The following NAV1 variants were observed in gnomAD, a reference collection of about 807,000 sequenced individuals.
The protein encoded by NAV1 is neuron navigator 1, also known as pore membrane and/or filament interacting like protein 3.
A neutral mutation model predicts 175.2 loss-of-function variants in NAV1; 18 were observed. The observed-to-expected ratio is 0.10, with a 90% CI of 0.07 to 0.15. The LOEUF (loss-of-function observed/expected upper bound fraction) is 0.15. Ranked by LOEUF, NAV1 falls within the 10% of genes least tolerant of loss-of-function variation. The pLI is 1.00. For synonymous variants in NAV1, 897 were observed against 978.7 expected (o/e 0.92, Z 1.56); for missense variants, 1,731 against 2,436.6 (o/e 0.71, Z 6.10).
intron 1 of NAV1, among the ~76,000 whole-genome samples, chr1:201,545,869 A>G (rs1304595550): frequency 6.6e-6 from 1 of 152,190 alleles, no homozygotes; most frequent in Non-Finnish European, 1.5e-5. Context: ...TAGTTATTTC[A>G]TCTGGTTTTG....
intron 3 of NAV1, among the ~76,000 whole-genome samples, chr1:201,768,099 C>T (rs1675323933): frequency 1.3e-5 from 2 of 151,860 alleles, no homozygotes; most frequent in African/African-American, 2.4e-5. Context: ...CTGAGGGAGG[C>T]GGATCACCTG....
chr1:201,635,018 A>G (rs1369784740), intron 2 of NAV1, among the ~76,000 whole-genome samples: 1 of 151,910 alleles, frequency 6.6e-6, no homozygotes, highest in African/African-American at 2.4e-5. Context: ...TATCCAATTG[A>G]CAATTTTTGT....
At position 201,783,564 on chromosome 1, in the gene NAV1, C is replaced by T. The variant is rs372376054; in HGVS notation, c.2516C>T (p.Ser839Phe). 24 of 1,614,098 alleles carry T rather than the reference C, an allele frequency of 1.5e-5. No individual in the cohort carries two copies. Among genetic ancestry groups the T allele is most frequent in the Non-Finnish European group, 1.9e-5 (23 of 1,180,062 alleles). ...TCAGCATCTGGGGGCCCTCTCCCTT[C>T]CTGCTTCACCCCCAGTCCGGCACCC... Residue 839 changes from serine (S) to phenylalanine (F), a missense_variant, in exon 7 of 30, where the codon TCC (serine) becomes TTC (phenylalanine). Coordinates refer to ENST00000367296, the Ensembl canonical transcript of NAV1.
At chr1:201,804,568 C>T in intron 17 of NAV1, 71 bp downstream of exon 21, 1 of 870,358 alleles carries the variant, frequency 1.1e-6, no homozygotes, top group Non-Finnish European at 1.7e-6. Flanking sequence ...TCCAGAGCAA[C>T]TCCCTTCCCC....
chr1:201,792,688 A>G (rs1202956514), intron 13 of NAV1: 3 of 152,242 alleles, frequency 2.0e-5, no homozygotes, highest in African/African-American at 7.2e-5. Context: ...CAGTGGGTGA[A>G]AGGAAACTGC....
rs113966166 is a variant in NAV1 at position 201,549,989 on chromosome 1, C to T, written c.-144+10647C>T. On this transcript the variant is annotated intron_variant, in intron 1 of 33. Transcript: ENST00000685211. ...TCTCACCACTGCACTCCAGCCTAGG[C>T]GACAGAGCGAGACTCCATCTCAAAA... Among the ~76,000 whole-genome samples the T allele has an allele frequency of 8.9e-3, 1,009 of 113,558 alleles. 18 individuals are homozygous for T. The highest frequency in any genetic ancestry group is 0.032 in the African/African-American group (936 of 29,108). The allele number at this position is 113,558 out of a possible 152,430, so 74.5% of individuals were successfully genotyped here. A position where few individuals can be genotyped will look rare whatever the true frequency, so the allele number is the denominator to read the frequency against.
chr1:201,819,980 G>A, exon 30 of NAV1: 1 of 1,536,864 alleles, frequency 6.5e-7, no homozygotes, highest in Non-Finnish European at 9.0e-7. Flanking sequence ...GCTGGCATCA[G>A]CTATCTTAGC....
chr1:201,816,943 G>A (rs369311940), intron 28 of NAV1, 145 bp from the exon 33 acceptor site: 3 of 676,410 alleles, frequency 4.4e-6, no homozygotes, highest in African/African-American at 3.6e-5. Flanking sequence ...CTAAATGCTG[G>A]GATTACAGGC....
intron 1 of NAV1, among the ~76,000 whole-genome samples, chr1:201,557,097 G>T (rs570687982): frequency 7.5e-6 from 1 of 134,070 alleles, no homozygotes; most frequent in East Asian, 2.0e-4. Context: ...CCCTAGGGAA[G>T]TCCAGTTTGG....
At chr1:201,744,629 C>T (rs1193988263) in intron 3 of NAV1, among the ~76,000 whole-genome samples, 1 of 152,116 alleles carries the variant, frequency 6.6e-6, no homozygotes, top group Non-Finnish European at 1.5e-5. Context: ...TGTGCAGTAA[C>T]TGAAAGCCAG....
upstream of NAV1, among the ~76,000 whole-genome samples, chr1:201,620,989 C>T (rs1472076134): frequency 6.6e-6 from 1 of 152,128 alleles, no homozygotes; most frequent in African/African-American, 2.4e-5. Flanking sequence ...GGCATGAGCT[C>T]AGCTCACTGC....
At chr1:201,722,994 C>A (rs892418340) in intron 3 of NAV1, among the ~76,000 whole-genome samples, 6 of 152,302 alleles carry the variant, frequency 3.9e-5, no homozygotes, top group African/African-American at 1.4e-4. Context: ...GCCTGTAATA[C>A]CAGCTATTCG....
intron 2 of NAV1, among the ~76,000 whole-genome samples, chr1:201,589,872 A>T (rs897412584): frequency 1.3e-5 from 2 of 152,152 alleles, no homozygotes; most frequent in Admixed American, 6.5e-5. Context: ...CAACCATCCC[A>T]TGGGGAAGAC....
intron 3 of NAV1, among the ~76,000 whole-genome samples, chr1:201,734,323 G>A (rs985451704): frequency 1.3e-5 from 2 of 151,556 alleles, no homozygotes; most frequent in African/African-American, 4.9e-5. Context: ...TGGGAGGATC[G>A]CTTGAGTGAT....
At chr1:201,776,485 C>T (rs1040393387) in intron 3 of NAV1, among the ~76,000 whole-genome samples, 2 of 151,234 alleles carry the variant, frequency 1.3e-5, no homozygotes, top group African/African-American at 2.4e-5. Flanking sequence ...ACTAAATATA[C>T]AAAAAATTAG....
intron 15 of NAV1, chr1:201,798,319 G>A (rs1477663924): frequency 2.6e-5 from 4 of 152,126 alleles, no homozygotes; most frequent in Non-Finnish European, 4.4e-5. Context: ...CTTGCCCCCA[G>A]AGTAATCCAA....
rs946526310 is a variant in NAV1 at position 201,807,346 on chromosome 1, G to C, written c.3649-607G>C. Reference sequence around the variant, plus strand: ...AGAAGCTTGAGCCCACTGCCTTCTCGTGTTCTCCACAGAATCATATTGTCA... The same window carrying C: ...AGAAGCTTGAGCCCACTGCCTTCTCCTGTTCTCCACAGAATCATATTGTCA... On this transcript the variant is annotated intron_variant, in intron 17 of 29. Coordinates refer to ENST00000367296, the Ensembl canonical transcript of NAV1. This position sits in a 1 kb window ranked among gnomAD's most constrained non-coding sequence, Gnocchi z 5.4. Among the ~76,000 whole-genome samples the C allele has an allele frequency of 2.0e-5, 3 of 152,144 alleles. No homozygotes were observed. The highest frequency in any genetic ancestry group is 7.2e-5 in the African/African-American group (3 of 41,422).
intron 2 of NAV1, among the ~76,000 whole-genome samples, chr1:201,632,351 G>A (rs1397581040): frequency 6.6e-6 from 1 of 152,266 alleles, no homozygotes; most frequent in Non-Finnish European, 1.5e-5. Flanking sequence ...CCTGGGGCAA[G>A]TGTGGAAATG....
At position 201,676,890 on chromosome 1, in the gene NAV1, C is replaced by T. The variant is rs536971318; in HGVS notation, c.757+27465C>T. Among the ~76,000 whole-genome samples, 3 of 152,272 alleles carry T rather than the reference C, an allele frequency of 2.0e-5. No homozygotes were observed. In the South Asian group the frequency reaches 6.2e-4, roughly 32 times the overall value. On this transcript the variant is annotated intron_variant, in intron 1 of 29. Transcript: ENST00000367296. ...CAACAAACATCCCATTCTTGATTGT[C>T]TTTAAACCAATGTAATTCTACTTCT...
Sources: allele counts gnomAD v4.1 joint callset (sites outside exome capture counted in the v4.1 genomes callset), GRCh38; gene constraint gnomAD v4.1.1; non-coding constraint Gnocchi (gnomAD v3.1); transcripts MANE v1.5; gene names NCBI Gene and HGNC (gene_info 2026-07-23, HGNC 2026-07-21).